NAA11: variants seen among roughly 807,000 people sequenced by gnomAD.
NAA11 encodes N-alpha-acetyltransferase 11.
A neutral mutation model predicts 16.1 loss-of-function variants in NAA11; 15 were observed. That is an observed-to-expected ratio of 0.93 (90% CI 0.62 to 1.44). The LOEUF (loss-of-function observed/expected upper bound fraction) is 1.44, where lower values mean the gene tolerates loss of function less well. NAA11 is among the 40% of genes most tolerant of loss of function. The probability of loss-of-function intolerance (pLI) is 0.00; values close to 1 mark genes in which losing one functional copy is unlikely to be tolerated. For synonymous variants in NAA11, 122 were observed against 112.4 expected, an observed-to-expected ratio of 1.09 and a Z score of -0.54; for missense variants, 298 against 291.3, an observed-to-expected ratio of 1.02 and a Z score of -0.17.
the NAA11 span, among the ~76,000 whole-genome samples, chr4:79,203,181 AG>A: frequency 2.0e-5 from 3 of 151,678 alleles, no homozygotes; most frequent in East Asian, 5.8e-4. Context: ...CTCAAAAAAA[AG>A]GCTTCGAACT....
intron 1 of NAA11, among the ~76,000 whole-genome samples, chr4:79,309,888 T>C (rs1023850339): frequency 6.6e-6 from 1 of 152,108 alleles, no homozygotes; most frequent in Non-Finnish European, 1.5e-5. Context: ...GCTAATCTTT[T>C]GTATTTTTAG....
At chr4:79,246,166 T>C (rs558642504) in intron 2 of NAA11, among the ~76,000 whole-genome samples, 133 of 152,242 alleles carry the variant, frequency 8.7e-4, no homozygotes, top group African/African-American at 3.1e-3. Flanking sequence ...AAACAGATGC[T>C]TGAAGGCAGC....
At chr4:79,172,322 T>C in the NAA11 span, among the ~76,000 whole-genome samples, 1 of 152,218 alleles carries the variant, frequency 6.6e-6, no homozygotes, top group Admixed American at 6.5e-5. Flanking sequence ...TGAACCACTC[T>C]CAAAATTATA....
chr4:79,232,952 T>C (rs1267626480), intron 2 of NAA11, among the ~76,000 whole-genome samples: 4 of 152,020 alleles, frequency 2.6e-5, no homozygotes, highest in Non-Finnish European at 5.9e-5. Context: ...TTCTTTGTCC[T>C]ATTTTAGCTT....
intron 2 of NAA11, among the ~76,000 whole-genome samples, chr4:79,230,973 CTTTGCACAT>C (rs370459336): frequency 2.6e-5 from 4 of 152,008 alleles, no homozygotes; most frequent in African/African-American, 9.7e-5. Context: ...CTTATCAACA[CTTTGCACAT>C]TTTGTTTATC....
intron 2 of NAA11, among the ~76,000 whole-genome samples, chr4:79,270,447 G>A (rs1368739960): frequency 6.7e-6 from 1 of 149,570 alleles, no homozygotes; most frequent in East Asian, 2.0e-4. Context: ...TCTACCAGAG[G>A]TACAAGGAGG....
intron 2 of NAA11, among the ~76,000 whole-genome samples, chr4:79,264,581 G>A (rs1328042120): frequency 2.6e-5 from 4 of 152,034 alleles, no homozygotes; most frequent in Non-Finnish European, 5.9e-5. Context: ...ACTTTGTCAA[G>A]CTCACCAGCG....
the NAA11 span, among the ~76,000 whole-genome samples, chr4:79,173,226 G>T: frequency 3.8e-4 from 58 of 152,122 alleles, no homozygotes; most frequent in Non-Finnish European, 7.2e-4. Flanking sequence ...AGTGGGACAG[G>T]AAGCGTCAGT....
the NAA11 span, among the ~76,000 whole-genome samples, chr4:79,156,329 G>GTGTA: frequency 0.12 from 17,286 of 149,286 alleles, 1,225 homozygotes; most frequent in Middle Eastern, 0.21. Flanking sequence ...GTGTGTGTGT[G>GTGTA]TATATATATA....
At chr4:79,178,804 G>T in the NAA11 span, among the ~76,000 whole-genome samples, 1 of 152,170 alleles carries the variant, frequency 6.6e-6, no homozygotes, top group Non-Finnish European at 1.5e-5. Flanking sequence ...TCATGAAATG[G>T]TCTCTGTGAT....
At chr4:79,294,211 A>C (rs1044396935) in intron 1 of NAA11, 1 of 152,260 alleles carries the variant, frequency 6.6e-6, no homozygotes, top group Non-Finnish European at 1.5e-5. Flanking sequence ...AATTTTAAGC[A>C]CAGCTCATCT....
chr4:79,258,485 C>T (rs1254009121), intron 2 of NAA11, among the ~76,000 whole-genome samples: 2 of 152,222 alleles, frequency 1.3e-5, no homozygotes, highest in African/African-American at 2.4e-5. Flanking sequence ...GCTGGGTGTG[C>T]ACATGGTCAA....
At chr4:79,324,916 T>C (rs559188656) in intron 1 of NAA11, among the ~76,000 whole-genome samples, 7 of 152,338 alleles carry the variant, frequency 4.6e-5, no homozygotes, top group Admixed American at 2.0e-4. Context: ...ATACAACTCA[T>C]GCCCAAAAAG....
chr4:79,313,615 AC>A (rs1723844485), downstream of NAA11, among the ~76,000 whole-genome samples: 4 of 152,192 alleles, frequency 2.6e-5, no homozygotes. Context: ...ACTTCACAAA[AC>A]GTAATTCCCA....
intron 2 of NAA11, among the ~76,000 whole-genome samples, chr4:79,277,160 A>G (rs1486162691): frequency 1.3e-5 from 2 of 152,274 alleles, no homozygotes; most frequent in African/African-American, 4.8e-5. Flanking sequence ...GCTCTATCCA[A>G]TGAGTTAGCC....
chr4:79,284,878 CAAA>C (rs558413914), intron 2 of NAA11, among the ~76,000 whole-genome samples: 3 of 5,144 alleles, frequency 5.8e-4, no homozygotes, highest in African/African-American at 4.2e-3. Flanking sequence ...GACTCCGTCT[CAAA>C]AAAAAAAAAA....
chr4:79,157,565 G>A, the NAA11 span, among the ~76,000 whole-genome samples: 1 of 150,702 alleles, frequency 6.6e-6, no homozygotes, highest in African/African-American at 2.4e-5. Context: ...ATATGTATAT[G>A]TATGTATATA....
chr4:79,248,025 A>T (rs1378262468), intron 2 of NAA11, among the ~76,000 whole-genome samples: 3 of 152,128 alleles, frequency 2.0e-5, no homozygotes, highest in Non-Finnish European at 4.4e-5. Context: ...CCTTAGGGGA[A>T]CTATTGGACC....
At chr4:79,292,062 C>T (rs1723099220) in intron 2 of NAA11, among the ~76,000 whole-genome samples, 1 of 152,144 alleles carries the variant, frequency 6.6e-6, no homozygotes, top group East Asian at 1.9e-4. Context: ...GAATAAATTT[C>T]AGAGCATCTA....
Sources: gnomAD v4.1 joint callset for allele counts (sites outside exome capture counted in the v4.1 genomes callset) on GRCh38, gnomAD v4.1.1 for gene constraint, MANE v1.5 for transcripts, NCBI Gene and HGNC (gene_info 2026-07-23, HGNC 2026-07-21) for gene names.